The following UGP2 variants were observed in gnomAD, a reference collection of about 807,000 sequenced individuals.
UGP2 encodes UDP-glucose pyrophosphorylase 2.
UGP2 carries 40 observed loss-of-function variants against 49.0 expected under a neutral mutation model. The ratio of observed to expected loss-of-function variants is 0.82; its 90% confidence interval spans 0.63 to 1.06. The LOEUF (loss-of-function observed/expected upper bound fraction) is 1.06. Among genes scored for constraint, UGP2 ranks in the 50% least tolerant of loss-of-function variants. The pLI, the probability that UGP2 is intolerant of heterozygous loss-of-function variation, is 0.00. For missense variants in UGP2, 460 were observed against 603.5 expected (o/e 0.76, Z 2.49); for synonymous variants, 225 against 213.0 (o/e 1.06, Z -0.49).
At chr2:63,852,194 G>C (rs979422417) in intron 1 of UGP2, among the ~76,000 whole-genome samples, 2 of 152,148 alleles carry the variant, frequency 1.3e-5, no homozygotes, top group Non-Finnish European at 2.9e-5. Context: ...GAAGGATGAA[G>C]AATATGGCTG....
intron 3 of UGP2, among the ~76,000 whole-genome samples, chr2:63,872,764 A>AT (rs1558951401): frequency 2.0e-5 from 3 of 151,778 alleles, no homozygotes; most frequent in African/African-American, 4.8e-5. Flanking sequence ...TTCTCACTGC[A>AT]GCCAGCTATT....
At chr2:63,857,648 C>G (rs1213210876) in intron 2 of UGP2, 181 bp from the exon 3 acceptor site, 1 of 661,588 alleles carries the variant, frequency 1.5e-6, no homozygotes, top group Non-Finnish European at 2.7e-6. Flanking sequence ...TACAGGCATG[C>G]ACCAACTACG....
intron 3 of UGP2, among the ~76,000 whole-genome samples, chr2:63,864,744 TC>T (rs886887046): frequency 6.6e-6 from 1 of 152,212 alleles, no homozygotes; most frequent in African/African-American, 2.4e-5. Context: ...CCATCAGTTC[TC>T]CATCTTTGGG....
intron 2 of UGP2, chr2:63,856,948 CT>C (rs1411901008): frequency 2.6e-6 from 1 of 390,844 alleles, no homozygotes; most frequent in African/African-American, 2.1e-5. Flanking sequence ...TGTTTTATTT[CT>C]TTTTGTTCTT....
chr2:63,852,339 C>A (rs1411274836), intron 1 of UGP2, among the ~76,000 whole-genome samples: 1 of 152,164 alleles, frequency 6.6e-6, no homozygotes, highest in African/African-American at 2.4e-5. Context: ...GGGAGCTTAC[C>A]CAGGAATCTG....
rs778502767 is a variant in UGP2 at position 63,843,439 on chromosome 2, C to T, written c.19+1235C>T. Among the ~76,000 whole-genome samples the T allele has an allele frequency of 5.3e-5, 8 of 152,334 alleles. 1 individual carries two copies. The highest frequency in any genetic ancestry group is 4.1e-4 in the South Asian group (2 of 4,828). ...TAGAAACGTACTGGTTTTGTAATAA[C>T]AATATTCAGTTACCATAAAGGCGGT... On this transcript the variant is annotated intron_variant, in intron 1 of 9. Coordinates refer to ENST00000337130, the MANE Select transcript of UGP2 (RefSeq NM_006759.4).
chr2:63,860,549 C>T (rs984551364), intron 3 of UGP2, among the ~76,000 whole-genome samples: 5 of 152,144 alleles, frequency 3.3e-5, no homozygotes, highest in African/African-American at 1.2e-4. Flanking sequence ...AAACTGACCT[C>T]ATATGCCTTT....
chr2:63,882,992 T>TG lies in UGP2; in HGVS notation c.441+345dup, dbSNP rs35384168. On this transcript the variant is annotated intron_variant, in intron 4 of 9. Coordinates refer to ENST00000337130, the MANE Select transcript of UGP2 (RefSeq NM_006759.4). ...TTATTAACCCCTTTTGGGAGGGTGG[T>TG]GGGGAGGATGCTGTGTATTTGGCTG... Among the ~76,000 whole-genome samples, 667 of 152,182 alleles carry TG rather than the reference T, an allele frequency of 4.4e-3. 2 individuals carry two copies. Among genetic ancestry groups the TG allele is most frequent in the Non-Finnish European group, 8.0e-3 (547 of 67,994 alleles).
chr2:63,849,753 G>A (rs1162429555), intron 1 of UGP2, among the ~76,000 whole-genome samples: 1 of 152,192 alleles, frequency 6.6e-6, no homozygotes, highest in Non-Finnish European at 1.5e-5. Flanking sequence ...GAGAAACAGG[G>A]CGCCAGGCAA....
chr2:63,881,404 C>CAGCTAACA (rs1321764080), intron 3 of UGP2, among the ~76,000 whole-genome samples: 1 of 151,638 alleles, frequency 6.6e-6, no homozygotes, highest in Non-Finnish European at 1.5e-5. Context: ...GAACAAATAA[C>CAGCTAACA]AGCTAACATC....
intron 3 of UGP2, among the ~76,000 whole-genome samples, chr2:63,872,900 A>T (rs953609373): frequency 6.6e-6 from 1 of 152,050 alleles, no homozygotes; most frequent in Non-Finnish European, 1.5e-5. Context: ...TCTGTATGCC[A>T]GTAGAGTGTC....
chr2:63,887,341 G>T, intron 7 of UGP2, 61 bp from the exon 8 acceptor site: 2 of 1,593,764 alleles, frequency 1.3e-6, no homozygotes, highest in South Asian at 2.2e-5. Context: ...AACCTACATG[G>T]AACTAAGTTG....
intron 1 of UGP2, among the ~76,000 whole-genome samples, chr2:63,846,910 G>A (rs946985194): frequency 2.0e-5 from 3 of 152,122 alleles, no homozygotes; most frequent in Admixed American, 1.3e-4. Flanking sequence ...TATATTATTT[G>A]AAGAGAAGGG....
intron 1 of UGP2, among the ~76,000 whole-genome samples, chr2:63,843,790 C>T (rs914386186): frequency 6.6e-6 from 1 of 152,216 alleles, no homozygotes; most frequent in Non-Finnish European, 1.5e-5. Context: ...AGGTACATTA[C>T]TGTTAACTAA....
At chr2:63,854,436 T>C (rs983739799) in intron 1 of UGP2, among the ~76,000 whole-genome samples, 3 of 152,212 alleles carry the variant, frequency 2.0e-5, no homozygotes, top group African/African-American at 7.2e-5. Flanking sequence ...AAGTGTAACC[T>C]GAGAATGTTA....
At chr2:63,842,471 T>C (rs1467736215) in intron 1 of UGP2, 2 of 1,539,824 alleles carry the variant, frequency 1.3e-6, no homozygotes, top group South Asian at 1.2e-5. Flanking sequence ...GGATAGTGGC[T>C]GTAAGTGATA....
At position 63,872,257 on chromosome 2, in the gene UGP2, A is replaced by T. The variant is rs1483745804; in HGVS notation, c.256-10209A>T. Reference sequence around the variant, plus strand: ...AAATTTGGGCCATTGATTATAAGTTACACCTTTTATGTACCACTAATAAAG... The same window carrying T: ...AAATTTGGGCCATTGATTATAAGTTTCACCTTTTATGTACCACTAATAAAG... On this transcript the variant is annotated intron_variant, in intron 3 of 9. Coordinates refer to ENST00000337130, the MANE Select transcript of UGP2 (RefSeq NM_006759.4). 2.0e-5 allele frequency among the ~76,000 whole-genome samples: 3 copies of T among 152,234 alleles called. No homozygotes were observed. The East Asian group carries it at 5.8e-4, about 29-fold the overall frequency.
Position 63,856,292 on chromosome 2 carries a change from G to A in UGP2, c.20-14G>A. 1 of 1,608,192 alleles carries A rather than the reference G, an allele frequency of 6.2e-7. No individual in the cohort carries two copies. The highest frequency in any genetic ancestry group is 8.5e-7 in the Non-Finnish European group (1 of 1,178,100). On this transcript the variant is annotated splice_polypyrimidine_tract_variant and intron_variant, in intron 1 of 9. Transcript: ENST00000337130. ...TGGAGTTTTCAGTTGGTGGTTTTAT[G>A]TTTTTGTTTTAAGATCTTAGCAAAG...
At chr2:63,856,614 A>G (rs1669449159) in intron 2 of UGP2, 181 bp downstream of exon 2, 2 of 658,180 alleles carry the variant, frequency 3.0e-6, no homozygotes, top group Non-Finnish European at 2.6e-6. Flanking sequence ...TGCCCTTTGT[A>G]AATCCATTAT....
Sources: gnomAD v4.1 joint callset for allele counts (sites outside exome capture counted in the v4.1 genomes callset) on GRCh38, gnomAD v4.1.1 for gene constraint, MANE v1.5 for transcripts, NCBI Gene and HGNC (gene_info 2026-07-23, HGNC 2026-07-21) for gene names.